The following RAP1GDS1 variants were observed in gnomAD, a reference collection of about 807,000 sequenced individuals.
RAP1GDS1 encodes RAP1, GTP-GDP dissociation stimulator 1.
Under a neutral mutation model 71.1 loss-of-function variants are expected in RAP1GDS1, and 35 were observed. The observed-to-expected ratio is 0.49, with a 90% CI of 0.38 to 0.65. RAP1GDS1 has a LOEUF of 0.65. Ranked by LOEUF, RAP1GDS1 falls within the 30% of genes least tolerant of loss-of-function variation. The pLI is 0.00. For missense variants in RAP1GDS1, 663 were observed against 706.1 expected (o/e 0.94, Z 0.69); for synonymous variants, 229 against 243.1 (o/e 0.94, Z 0.54).
chr4:98,377,300 T>C (rs1463651268), intron 4 of RAP1GDS1, among the ~76,000 whole-genome samples: 1 of 151,954 alleles, frequency 6.6e-6, no homozygotes, highest in Non-Finnish European at 1.5e-5. Context: ...GTAATCCTAA[T>C]GTTCAGTTTT....
At chr4:98,373,049 AC>A (rs1479827497) in intron 4 of RAP1GDS1, among the ~76,000 whole-genome samples, 1 of 152,208 alleles carries the variant, frequency 6.6e-6, no homozygotes, top group African/African-American at 2.4e-5. Flanking sequence ...GTCTTAACAT[AC>A]TTTTATCATT....
intron 1 of RAP1GDS1, among the ~76,000 whole-genome samples, chr4:98,272,781 T>C (rs1723658440): frequency 6.6e-6 from 1 of 152,140 alleles, no homozygotes; most frequent in South Asian, 2.1e-4. Context: ...TCCAGTTGTA[T>C]AAAATCCACT....
intron 1 of RAP1GDS1, among the ~76,000 whole-genome samples, chr4:98,279,465 A>AT (rs1177869155): frequency 1.3e-5 from 2 of 151,128 alleles, no homozygotes; most frequent in African/African-American, 2.4e-5. Flanking sequence ...GATTGTTGGA[A>AT]TTTTTTTTTC....
chr4:98,318,988 G>A (rs189143983), intron 2 of RAP1GDS1, among the ~76,000 whole-genome samples: 8 of 152,060 alleles, frequency 5.3e-5, no homozygotes, highest in South Asian at 2.1e-4. Context: ...TAGTTCTCTG[G>A]GGGGGGAAAT....
intron 3 of RAP1GDS1, among the ~76,000 whole-genome samples, chr4:98,344,572 C>A (rs1356510532): frequency 2.0e-5 from 3 of 152,072 alleles, no homozygotes; most frequent in Non-Finnish European, 1.5e-5. Context: ...AATGCTCTGT[C>A]ACAATTTCAT....
intron 2 of RAP1GDS1, among the ~76,000 whole-genome samples, chr4:98,335,028 C>T (rs924811222): frequency 2.0e-5 from 3 of 151,614 alleles, no homozygotes; most frequent in Admixed American, 1.3e-4. Context: ...ACTGTTTGAG[C>T]TCTGGATTTT....
chr4:98,414,998 C>T (rs1271263612), intron 7 of RAP1GDS1, among the ~76,000 whole-genome samples: 2 of 152,112 alleles, frequency 1.3e-5, no homozygotes, highest in Non-Finnish European at 2.9e-5. Context: ...GGAATTCACT[C>T]ATGATTTGGC....
chr4:98,318,965 G>T (rs1291637417), intron 2 of RAP1GDS1, among the ~76,000 whole-genome samples: 3 of 152,150 alleles, frequency 2.0e-5, no homozygotes, highest in Non-Finnish European at 2.9e-5. Context: ...CTGCTGATAA[G>T]GGGCAACTGC....
At chr4:98,277,703 A>G (rs990219498) in intron 1 of RAP1GDS1, among the ~76,000 whole-genome samples, 1 of 152,084 alleles carries the variant, frequency 6.6e-6, no homozygotes, top group African/African-American at 2.4e-5. Flanking sequence ...TCAGTGTTTC[A>G]TATTTCTTTT....
At chr4:98,331,028 G>T (rs894125249) in intron 2 of RAP1GDS1, among the ~76,000 whole-genome samples, 1 of 152,220 alleles carries the variant, frequency 6.6e-6, no homozygotes, top group Non-Finnish European at 1.5e-5. Context: ...GAGTGAGCGA[G>T]ACTCCGTCTG....
At chr4:98,354,253 G>A (rs562501280) in intron 4 of RAP1GDS1, among the ~76,000 whole-genome samples, 153 of 151,416 alleles carry the variant, frequency 1.0e-3, no homozygotes, top group African/African-American at 3.3e-3. Context: ...TAGTAGAGAC[G>A]GGGTTTCACC....
At chr4:98,328,937 C>G (rs1733539758) in intron 2 of RAP1GDS1, among the ~76,000 whole-genome samples, 1 of 152,226 alleles carries the variant, frequency 6.6e-6, no homozygotes, top group South Asian at 2.1e-4. Context: ...AAAGCCAAAC[C>G]AAGGCAGATT....
At chr4:98,374,714 A>G (rs780792526) in intron 4 of RAP1GDS1, among the ~76,000 whole-genome samples, 25 of 152,278 alleles carry the variant, frequency 1.6e-4, no homozygotes, top group Non-Finnish European at 2.5e-4. Flanking sequence ...ACTTGAGTGC[A>G]GTATGTTCTT....
intron 14 of RAP1GDS1, 128 bp downstream of exon 14, chr4:98,437,196 A>T (rs780729332): frequency 2.0e-6 from 2 of 995,836 alleles, no homozygotes; most frequent in Admixed American, 3.7e-5. Context: ...AGGTTATAAG[A>T]TAACTTTTTT....
intron 7 of RAP1GDS1, among the ~76,000 whole-genome samples, chr4:98,416,215 G>T (rs1747960147): frequency 6.6e-6 from 1 of 151,752 alleles, no homozygotes; most frequent in African/African-American, 2.4e-5. Flanking sequence ...GAAAAATTTG[G>T]CAATTTCAAA....
At chr4:98,338,299 T>A (rs1399692752) in intron 2 of RAP1GDS1, among the ~76,000 whole-genome samples, 1 of 152,044 alleles carries the variant, frequency 6.6e-6, no homozygotes, top group Non-Finnish European at 1.5e-5. Context: ...GAGGGTAAAT[T>A]TGATTTTGAT....
intron 1 of RAP1GDS1, among the ~76,000 whole-genome samples, chr4:98,271,854 G>T (rs1385537869): frequency 6.6e-6 from 1 of 152,080 alleles, no homozygotes. Context: ...CTAAATCAAA[G>T]AATTAAATAA....
At chr4:98,329,651 T>C (rs1733644759) in intron 2 of RAP1GDS1, among the ~76,000 whole-genome samples, 1 of 151,978 alleles carries the variant, frequency 6.6e-6, no homozygotes, top group Non-Finnish European at 1.5e-5. Flanking sequence ...TAGCTGGGCA[T>C]GGTGGCAGAC....
At chr4:98,388,787 T>C (rs1560942844) in intron 5 of RAP1GDS1, among the ~76,000 whole-genome samples, 1 of 152,186 alleles carries the variant, frequency 6.6e-6, no homozygotes, top group Non-Finnish European at 1.5e-5. Flanking sequence ...TTTGGTCTTA[T>C]GATTTTAGAT....
Sources: allele counts gnomAD v4.1 joint callset (sites outside exome capture counted in the v4.1 genomes callset), GRCh38; gene constraint gnomAD v4.1.1; transcripts MANE v1.5; gene names NCBI Gene and HGNC (gene_info 2026-07-23, HGNC 2026-07-21).